TMEM45B: variants seen among roughly 807,000 people sequenced by gnomAD.
TMEM45B encodes transmembrane protein 45B.
In TMEM45B, 29 loss-of-function variants were observed where a neutral mutation model predicts 27.3. The ratio of observed to expected loss-of-function variants is 1.06; its 90% CI spans 0.79 to 1.45. The LOEUF is 1.45. Among genes scored for constraint, TMEM45B ranks in the 40% most tolerant of loss-of-function variants. TMEM45B has a pLI of 0.00. For synonymous variants in TMEM45B, 143 were observed against 134.7 expected, an observed-to-expected ratio of 1.06 and a Z score of -0.43; for missense variants, 348 against 343.9, an observed-to-expected ratio of 1.01 and a Z score of -0.09.
chr11:129,829,801 A>G (rs1053011794), intron 1 of TMEM45B, among the ~76,000 whole-genome samples: 4 of 152,246 alleles, frequency 2.6e-5, no homozygotes, highest in Admixed American at 6.5e-5. Flanking sequence ...TATATGAATC[A>G]TAATAGTTTA....
chr11:129,818,690 C>T (rs1004913158), intron 1 of TMEM45B, among the ~76,000 whole-genome samples: 2 of 152,146 alleles, frequency 1.3e-5, no homozygotes, highest in African/African-American at 4.8e-5. Context: ...TGTTTTCTGA[C>T]TTGAATTATC....
chr11:129,847,404 G>GTTTTTTTTTT (rs1555072221), intron 1 of TMEM45B, among the ~76,000 whole-genome samples: 1 of 147,868 alleles, frequency 6.8e-6, no homozygotes, highest in Non-Finnish European at 1.5e-5. Context: ...AGCTTATGAA[G>GTTTTTTTTTT]TTATTTTTTT....
In TMEM45B at chr11:129,855,761, C is replaced by T. The variant is rs561834458; in HGVS notation, c.439C>T (p.His147Tyr). The T allele has an allele frequency of 1.9e-6, 3 of 1,614,190 alleles. No homozygotes were observed. The African/African-American group carries it at 4.0e-5, about 22-fold the overall frequency. ...CCGGCCTCCGCTGGACCAGCACATCCACTCACTCCTGCTGTATGCTCTGTT... is the reference window on the plus strand; with the variant it reads ...CCGGCCTCCGCTGGACCAGCACATCTACTCACTCCTGCTGTATGCTCTGTT... Reference protein sequence around the residue: ...HNRPPLDQHIHSLLLYALFGG... With the variant: ...HNRPPLDQHIYSLLLYALFGG... Residue 147 changes from histidine (H) to tyrosine (Y), a missense_variant, in exon 4 of 6, where the codon CAC becomes TAC. Coordinates refer to ENST00000281441, the MANE Select transcript of TMEM45B (RefSeq NM_138788.5).
rs1351959041 is a variant in TMEM45B, at chr11:129,858,649, C to A, written c.792C>A (p.Tyr264Ter). ...AGAAGCTGAATTCAGATGACACTTA[C>A]CAGACCGCCCTCTTGAGTGGCTCAG... ...GIQKLNSDDT[Y>*]QTALLSGSDE... The change falls in exon 6 of 6, where the codon TAC becomes TAA. Residue 264 changes from tyrosine to a stop codon, truncating the protein, a stop_gained. Coordinates refer to ENST00000281441, the MANE Select transcript of TMEM45B (RefSeq NM_138788.5). LOFTEE classifies it high-confidence loss of function. 2 of 1,573,936 alleles carry A rather than the reference C, an allele frequency of 1.3e-6. No individual in the cohort carries two copies. Among genetic ancestry groups the A allele is most frequent in the South Asian group, 1.2e-5 (1 of 85,716 alleles).
At chr11:129,851,293 C>T (rs1947842335) in intron 1 of TMEM45B, among the ~76,000 whole-genome samples, 1 of 151,998 alleles carries the variant, frequency 6.6e-6, no homozygotes, top group African/African-American at 2.4e-5. Context: ...CCTGTAATCC[C>T]AGCACTTTGG....
intron 1 of TMEM45B, among the ~76,000 whole-genome samples, chr11:129,822,377 T>C (rs1947429197): frequency 6.6e-6 from 1 of 152,212 alleles, no homozygotes; most frequent in Non-Finnish European, 1.5e-5. Context: ...GGAAGCTTTA[T>C]ACATGTTTGG....
intron 1 of TMEM45B, among the ~76,000 whole-genome samples, chr11:129,839,305 A>G (rs1947662070): frequency 6.6e-6 from 1 of 152,182 alleles, no homozygotes; most frequent in Non-Finnish European, 1.5e-5. Context: ...AATGAGAGTC[A>G]TGGAAGTGTT....
chr11:129,835,349 T>G (rs1158204162), intron 1 of TMEM45B, among the ~76,000 whole-genome samples: 2 of 152,186 alleles, frequency 1.3e-5, no homozygotes, highest in African/African-American at 4.8e-5. Context: ...GAGATGTGGT[T>G]TTCCCAGGAA....
chr11:129,848,382 G>A (rs1349561903), intron 1 of TMEM45B, among the ~76,000 whole-genome samples: 5 of 152,220 alleles, frequency 3.3e-5, no homozygotes, highest in Non-Finnish European at 7.3e-5. Context: ...GCGTGGCGGC[G>A]CGGGCCTGCA....
At chr11:129,851,543 CAAAAAAAA>C (rs71057982) in intron 1 of TMEM45B, among the ~76,000 whole-genome samples, 1 of 54,970 alleles carries the variant, frequency 1.8e-5, no homozygotes, top group East Asian at 7.4e-4. Flanking sequence ...AACTCTGCCT[CAAAAAAAA>C]AAAAAAAGTC....
At chr11:129,828,672 G>A (rs1164979049) in intron 1 of TMEM45B, among the ~76,000 whole-genome samples, 1 of 152,176 alleles carries the variant, frequency 6.6e-6, no homozygotes, top group Non-Finnish European at 1.5e-5. Flanking sequence ...AGCAAACCCA[G>A]ACCAGAAGCC....
chr11:129,816,140 G>C (rs1187931535), intron 1 of TMEM45B, among the ~76,000 whole-genome samples: 1 of 152,180 alleles, frequency 6.6e-6, no homozygotes, highest in African/African-American at 2.4e-5. Context: ...CCGGGCTGCG[G>C]AACCGGTGCG....
At position 129,858,659 on chromosome 11, in the gene TMEM45B, C is replaced by A; in HGVS notation, c.802C>A (p.Leu268Ile). 6.4e-7 allele frequency: 1 copy of A among 1,567,282 alleles called. No homozygotes were observed. Among genetic ancestry groups the A allele is most frequent in the East Asian group, 2.3e-5 (1 of 43,318 alleles). The change falls in exon 6 of 6, where the codon CTC becomes ATC. Residue 268 changes from leucine (L) to isoleucine (I), a missense_variant. Leu to Ile is a conservative substitution (Grantham distance 5, BLOSUM62 2). Coordinates refer to ENST00000281441, the MANE Select transcript of TMEM45B (RefSeq NM_138788.5). ...TTCAGATGACACTTACCAGACCGCC[C>A]TCTTGAGTGGCTCAGATGAGGAATG... ...LNSDDTYQTALLSGSDEE is the reference protein window; with the variant it reads ...LNSDDTYQTAILSGSDEE
chr11:129,852,351 G>A (rs1213419482), intron 1 of TMEM45B, 124 bp from the exon 2 acceptor site: 3 of 834,184 alleles, frequency 3.6e-6, no homozygotes, highest in Non-Finnish European at 5.6e-6. Context: ...TTATGAGAAT[G>A]TGTTGATCCT....
intron 1 of TMEM45B, among the ~76,000 whole-genome samples, chr11:129,844,861 A>G (rs1947737320): frequency 6.6e-6 from 1 of 152,194 alleles, no homozygotes. Flanking sequence ...TCATCATGTT[A>G]TATACCCTGA....
intron 1 of TMEM45B, among the ~76,000 whole-genome samples, chr11:129,830,547 C>T (rs1181903123): frequency 6.6e-6 from 1 of 152,154 alleles, no homozygotes; most frequent in Non-Finnish European, 1.5e-5. Context: ...GAAAAGACAA[C>T]TCACAGAATG....
Position 129,854,720 on chromosome 11 carries a change from G to A in TMEM45B, c.289G>A (p.Ala97Thr), listed in dbSNP as rs771606403. The A allele has an allele frequency of 2.5e-6, 4 of 1,614,092 alleles. No homozygotes were observed. In the Admixed American group the frequency reaches 6.7e-5, roughly 27 times the overall value. The change falls in exon 3 of 6, where the codon GCA becomes ACA. Residue 97 changes from alanine (A) to threonine (T), a missense_variant. Coordinates refer to ENST00000281441, the MANE Select transcript of TMEM45B (RefSeq NM_138788.5). Reference protein sequence around the residue: ...WQHSTMYLFFAVSGIVDMLTY... With the variant: ...WQHSTMYLFFTVSGIVDMLTY... ...GCACAGCACCATGTACCTATTCTTTGCAGTCTCAGGAATTGTTGACATGCT... is the reference window on the plus strand; with the variant it reads ...GCACAGCACCATGTACCTATTCTTTACAGTCTCAGGAATTGTTGACATGCT...
chr11:129,830,285 C>T (rs1947532871), intron 1 of TMEM45B, among the ~76,000 whole-genome samples: 2 of 152,294 alleles, frequency 1.3e-5, no homozygotes, highest in South Asian at 4.1e-4. Context: ...CAAGATCATG[C>T]CATTGCACTC....
At chr11:129,816,061 G>A (rs1194349887) in intron 1 of TMEM45B, among the ~76,000 whole-genome samples, 163 bp downstream of exon 1, 1 of 152,154 alleles carries the variant, frequency 6.6e-6, no homozygotes, top group African/African-American at 2.4e-5. Flanking sequence ...CAGGGGTGAA[G>A]GCTGCGCTAG....
Sources: gnomAD v4.1 joint callset for allele counts (sites outside exome capture counted in the v4.1 genomes callset) on GRCh38, gnomAD v4.1.1 for gene constraint, MANE v1.5 for transcripts, NCBI Gene and HGNC (gene_info 2026-07-23, HGNC 2026-07-21) for gene names.